ADAD2: variants seen among roughly 807,000 people sequenced by gnomAD.
The protein encoded by ADAD2 is adenosine deaminase domain containing 2.
In ADAD2, 60 loss-of-function variants were observed where a neutral mutation model predicts 54.5. The observed-to-expected ratio is 1.10, with a 90% CI of 0.89 to 1.36. The LOEUF (loss-of-function observed/expected upper bound fraction) is 1.36. ADAD2 is among the 40% of genes most tolerant of loss of function. The pLI is 0.00. For synonymous variants in ADAD2, 543 were observed against 366.2 expected (o/e 1.48, Z -5.51); for missense variants, 1,103 against 801.3 (o/e 1.38, Z -4.54).
rs1202089261 is a variant in ADAD2, at chr16:84,196,112, C to A, written c.1283-15C>A. 1.9e-6 allele frequency: 3 copies of A among 1,600,854 alleles called. No homozygotes were observed. The Admixed American group carries it at 5.0e-5, about 27-fold the overall frequency. ...GGGAGGTCACTCACCTTGTCCTGTC[C>A]CTTCTGCCCTGCAGCTGACTCATGC... On this transcript the variant is annotated splice_polypyrimidine_tract_variant and intron_variant, in intron 7 of 9. Transcript: ENST00000315906.
intron 1 of ADAD2, chr16:84,194,181 C>T: frequency 6.3e-7 from 1 of 1,593,168 alleles, no homozygotes; most frequent in Non-Finnish European, 8.6e-7. Context: ...TTCTGCTCAT[C>T]TGTGAAATGG....
intron 1 of ADAD2, 36 bp from the exon 2 acceptor site, chr16:84,194,406 C>T: frequency 6.3e-7 from 1 of 1,592,238 alleles, no homozygotes; most frequent in South Asian, 1.1e-5. Flanking sequence ...AGGGCGAAGG[C>T]CAGGGGGCTG....
chr16:84,195,721 C>T (rs368334407), intron 6 of ADAD2, 24 bp downstream of exon 6: 146 of 1,529,990 alleles, frequency 9.5e-5, no homozygotes, highest in African/African-American at 2.8e-4. Flanking sequence ...CCGGGGCAGG[C>T]GGGGGATGGG....
Position 84,195,952 on chromosome 16 carries a change from G to T in ADAD2, c.1190G>T (p.Ser397Ile). The change falls in exon 7 of 10, where the codon AGT becomes ATT. Residue 397 changes from serine (S) to isoleucine (I), a missense_variant. Ser to Ile is a moderately radical substitution (Grantham distance 142). Transcript: ENST00000315906. ...ACCCACGTGGGCTGCCTGTCAGCCA[G>T]TGACAAGCTGGCACGCTGGGCCGTG... ...CDTHVGCLSASDKLARWAVLG... is the reference protein window; with the variant it reads ...CDTHVGCLSAIDKLARWAVLG... The T allele has an allele frequency of 6.3e-7, 1 of 1,599,526 alleles. No homozygotes were observed. Among genetic ancestry groups the T allele is most frequent in the East Asian group, 2.2e-5 (1 of 44,838 alleles).
At chr16:84,195,773 G>A (rs772686966) in intron 6 of ADAD2, 42 bp from the exon 7 acceptor site, 5 of 1,554,582 alleles carry the variant, frequency 3.2e-6, no homozygotes, top group Non-Finnish European at 4.3e-6. Flanking sequence ...AGGGTCAGAA[G>A]AGCAGCCCTG....
chr16:84,191,491 G>T lies in ADAD2; in HGVS notation c.261G>T (p.Leu87Phe). 6.5e-7 allele frequency: 1 copy of T among 1,541,076 alleles called. No homozygotes were observed. Residue 87 changes from leucine (L) to phenylalanine (F), a missense_variant, in exon 1 of 10, where the codon TTG becomes TTT. Leu to Phe is a conservative substitution (Grantham distance 22). Coordinates refer to ENST00000315906, the MANE Select transcript of ADAD2 (RefSeq NM_001145400.2). The part of the protein sequence containing the change: ...ELGAARAWEN[L>F]GEQMGKAPRV... ...GGGCAGCCCGGGCGTGGGAAAACTT[G>T]GGGGAACAGATGGGGAAGGCCCCGA... is the stretch of plus-strand genomic sequence containing the variant.
At position 84,191,316 on chromosome 16, in the gene ADAD2, C is replaced by A; in HGVS notation, c.86C>A (p.Pro29His). 1.9e-6 allele frequency: 3 copies of A among 1,588,746 alleles called. No individual in the cohort carries two copies. Among genetic ancestry groups the A allele is most frequent in the Non-Finnish European group, 2.6e-6 (3 of 1,167,186 alleles). Residue 29 changes from proline to histidine, a missense_variant, in exon 1 of 10, where the codon CCC becomes CAC. Physicochemically the swap from Pro to His is moderately conservative, Grantham distance 77 (BLOSUM62 -2). Transcript: ENST00000315906. ...LAASLQISPQ[P>H]RPWRPLPAQA... ...GCATCGTTGCAGATCAGCCCCCAGC[C>A]CCGCCCCTGGCGACCGCTACCCGCC... is the stretch of plus-strand genomic sequence containing the variant.
Position 84,195,599 on chromosome 16 carries a change from C to T in ADAD2, c.954C>T (p.Ala318=). ...GPKGKEQSVL[A]PQPGPGPPFT... is the part of the protein sequence containing the mutation. ...AGGGCAAGGAGCAGTCCGTGCTGGC[C>T]CCCCAGCCAGGGCCCGGACCCCCAT... The change falls in exon 6 of 10, where the codon GCC becomes GCT. Residue 318 remains alanine (A), a synonymous_variant. Coordinates refer to ENST00000315906, the MANE Select transcript of ADAD2 (RefSeq NM_001145400.2). 6.2e-7 allele frequency: 1 copy of T among 1,604,228 alleles called. No individual in the cohort carries two copies. The highest frequency in any genetic ancestry group is 8.5e-7 in the Non-Finnish European group (1 of 1,175,826).
At chr16:84,191,706 C>T in intron 1 of ADAD2, 58 bp downstream of exon 1, 1 of 1,541,312 alleles carries the variant, frequency 6.5e-7, no homozygotes, top group South Asian at 1.2e-5. Flanking sequence ...GGGCTGGGTC[C>T]CAGGACGTGG....
chr16:84,195,148 A>G lies in ADAD2; in HGVS notation c.687A>G (p.Pro229=), dbSNP rs778278520. Residue 229 remains proline (P), a synonymous_variant, in exon 4 of 10, where the codon CCA becomes CCG. Transcript: ENST00000315906. ...GFDLLLDERS[P]YWACKGTVAG... is the part of the protein sequence containing the mutation. Reference sequence around the variant, plus strand: ...ACCTCCTGTTGGACGAGCGCTCGCCATACTGGGCCTGTAAGGGGACTGTGG... The same window carrying G: ...ACCTCCTGTTGGACGAGCGCTCGCCGTACTGGGCCTGTAAGGGGACTGTGG... 41 of 1,613,456 alleles carry G rather than the reference A, an allele frequency of 2.5e-5. No individual in the cohort carries two copies. The South Asian group carries it at 3.7e-4, about 15-fold the overall frequency.
Position 84,191,170 on chromosome 16 carries a change from G to A in ADAD2, c.-61G>A, listed in dbSNP as rs1441219859. The A allele has an allele frequency of 1.6e-5, 25 of 1,557,504 alleles. No individual in the cohort carries two copies. The South Asian group carries it at 2.4e-4, about 15-fold the overall frequency. ...CCACGTGAAGGCACCCGCCCTGCGC[G>A]TGTGAAAGGGCGAGAGCAGCGCGAG... On this transcript the variant is annotated 5_prime_UTR_variant, in exon 1 of 10. It adds an upstream start codon to the 5' untranslated region. Transcript: ENST00000315906.
rs759035131 is a variant in ADAD2 at position 84,197,021 on chromosome 16, G to C, written c.*47G>C. 4.6e-6 allele frequency: 7 copies of C among 1,534,982 alleles called. 2 individuals are homozygous for C. The South Asian group carries it at 8.3e-5, about 18-fold the overall frequency. ...GGTCCCGGAGCCAAGCTGTACCCCT[G>C]CTGGGGGAGTGCCCTATCTGAGGAG... On this transcript the variant is annotated 3_prime_UTR_variant, in exon 10 of 10. Transcript: ENST00000315906.
At chr16:84,196,469 TTCGCTCAAC>T (rs2089732249) in intron 8 of ADAD2, 99 bp downstream of exon 8, 2 of 696,206 alleles carry the variant, frequency 2.9e-6, no homozygotes, top group African/African-American at 6.8e-5. Flanking sequence ...GCGCAACCCC[TTCGCTCAAC>T]CCCTTCGCTC....
chr16:84,192,350 A>C (rs2089666666), intron 1 of ADAD2, among the ~76,000 whole-genome samples: 1 of 152,024 alleles, frequency 6.6e-6, no homozygotes, highest in Non-Finnish European at 1.5e-5. Flanking sequence ...TGGTTTTACC[A>C]TGTTGCCAAG....
rs376378075 is a variant in ADAD2, at chr16:84,196,672, C to G, written c.1552C>G (p.Leu518Val). 121 of 1,613,462 alleles carry G rather than the reference C, an allele frequency of 7.5e-5. No individual in the cohort carries two copies. The highest frequency in any genetic ancestry group is 9.7e-5 in the Non-Finnish European group (114 of 1,179,998). Residue 518 changes from leucine (L) to valine (V), a missense_variant, in exon 9 of 10, where the codon CTC (leucine) becomes GTC (valine). By Grantham distance (32) the Leu-to-Val change is conservative (BLOSUM62 1). Coordinates refer to ENST00000315906, the MANE Select transcript of ADAD2 (RefSeq NM_001145400.2). ...ANAALGPPSR[L>V]CKASFLRAFH... is the part of the protein sequence containing the mutation. ...TGCCGCCCTGGGGCCTCCCTCCCGT[C>G]TCTGCAAGGCCTCCTTTCTCCGGGC...
chr16:84,194,416 G>T, intron 1 of ADAD2, 26 bp from the exon 2 acceptor site: 1 of 1,596,790 alleles, frequency 6.3e-7, no homozygotes, highest in Non-Finnish European at 8.5e-7. Flanking sequence ...CCAGGGGGCT[G>T]CTTCCTCACC....
At chr16:84,193,932 A>G in intron 1 of ADAD2, 1 of 1,402,516 alleles carries the variant, frequency 7.1e-7, no homozygotes, top group African/African-American at 1.4e-5. Flanking sequence ...ACCTTTGACC[A>G]TGTGATCCCA....
intron 1 of ADAD2, chr16:84,193,849 A>G (rs2089688738): frequency 1.3e-6 from 1 of 780,832 alleles, no homozygotes; most frequent in Non-Finnish European, 2.0e-6. Flanking sequence ...GTTCCCTTCC[A>G]AAAGGGAAAC....
chr16:84,194,397 G>C (rs1209215688), intron 1 of ADAD2, 45 bp from the exon 2 acceptor site: 8 of 1,587,160 alleles, frequency 5.0e-6, no homozygotes, highest in Non-Finnish European at 6.8e-6. Context: ...ACCTGTCACA[G>C]GGCGAAGGCC....
Sources: allele counts gnomAD v4.1 joint callset (sites outside exome capture counted in the v4.1 genomes callset), GRCh38; gene constraint gnomAD v4.1.1; transcripts MANE v1.5; gene names NCBI Gene and HGNC (gene_info 2026-07-23, HGNC 2026-07-21).